EVI5: variants seen among roughly 807,000 people sequenced by gnomAD.
The protein encoded by EVI5 is ecotropic viral integration site 5 protein homolog.
Under a neutral mutation model 112.0 loss-of-function variants are expected in EVI5, and 73 were observed. That is an observed-to-expected ratio of 0.65 (90% CI 0.54 to 0.79). The LOEUF (loss-of-function observed/expected upper bound fraction) is 0.79. Ranked by LOEUF, EVI5 falls within the 30% of genes least tolerant of loss-of-function variation. The pLI is 0.00. For missense variants in EVI5, 900 were observed against 968.8 expected (o/e 0.93, Z 0.94); for synonymous variants, 305 against 319.9 (o/e 0.95, Z 0.50).
At chr1:92,626,067 T>A (rs926565421) in intron 14 of EVI5, 133 bp from the exon 15 acceptor site, 1 of 584,044 alleles carries the variant, frequency 1.7e-6, no homozygotes, top group African/African-American at 1.9e-5. Context: ...ATTCACAAAC[T>A]ATGAAACTCA....
At chr1:92,669,423 C>T (rs1665465495) in intron 10 of EVI5, among the ~76,000 whole-genome samples, 1 of 151,826 alleles carries the variant, frequency 6.6e-6, no homozygotes, top group Admixed American at 6.6e-5. Context: ...TGGCGCATGC[C>T]TGTAATCCCA....
At chr1:92,577,126 C>A (rs1478561709) in intron 18 of EVI5, among the ~76,000 whole-genome samples, 1 of 152,158 alleles carries the variant, frequency 6.6e-6, no homozygotes, top group Admixed American at 6.5e-5. Context: ...AAGTCCAAAT[C>A]AGCCTCTATA....
intron 5 of EVI5, among the ~76,000 whole-genome samples, chr1:92,699,921 C>T (rs1047267737): frequency 1.3e-5 from 2 of 152,100 alleles, no homozygotes; most frequent in Admixed American, 6.5e-5. Context: ...AAGTTTCATT[C>T]CCTCTCCTCT....
At chr1:92,730,659 G>C (rs1012604316) in intron 2 of EVI5, among the ~76,000 whole-genome samples, 1 of 144,808 alleles carries the variant, frequency 6.9e-6, no homozygotes, top group Non-Finnish European at 1.5e-5. Context: ...TCCAGCCTTG[G>C]TGACAAAGCA....
intron 10 of EVI5, among the ~76,000 whole-genome samples, chr1:92,676,091 T>C (rs1666707337): frequency 6.8e-6 from 1 of 147,898 alleles, no homozygotes; most frequent in South Asian, 2.1e-4. Flanking sequence ...AATGTGGAAG[T>C]ATCTACTTCC....
intron 11 of EVI5, among the ~76,000 whole-genome samples, chr1:92,664,538 A>G (rs1054326605): frequency 1.3e-5 from 2 of 151,410 alleles, no homozygotes; most frequent in Non-Finnish European, 2.9e-5. Context: ...CTAGATATTT[A>G]GTGGGAAAAA....
intron 2 of EVI5, among the ~76,000 whole-genome samples, chr1:92,727,515 T>C (rs1675756913): frequency 6.6e-6 from 1 of 152,180 alleles, no homozygotes. Context: ...TTATCCCAGA[T>C]AGATGCCGGC....
intron 1 of EVI5, among the ~76,000 whole-genome samples, chr1:92,753,053 G>C (rs183614735): frequency 7.6e-4 from 116 of 151,676 alleles, no homozygotes; most frequent in Non-Finnish European, 1.3e-3. Flanking sequence ...GGTGGATAAG[G>C]ACTGCCTTTC....
intron 2 of EVI5, among the ~76,000 whole-genome samples, chr1:92,712,793 G>C (rs1673040813): frequency 6.6e-6 from 1 of 151,940 alleles, no homozygotes; most frequent in Non-Finnish European, 1.5e-5. Flanking sequence ...GAAAACTGAG[G>C]TAATGCTATG....
At chr1:92,641,432 A>G (rs767543899) in intron 13 of EVI5, among the ~76,000 whole-genome samples, 27 of 152,314 alleles carry the variant, frequency 1.8e-4, no homozygotes, top group Middle Eastern at 3.4e-3. Flanking sequence ...TAAACATAGG[A>G]AGTGGAAGTT....
chr1:92,569,362 C>T lies in EVI5; in HGVS notation c.2071-5625G>A, dbSNP rs144125462. Among the ~76,000 whole-genome samples the T allele has an allele frequency of 2.4e-3, 371 of 152,200 alleles. 5 individuals carry two copies. The highest frequency in any genetic ancestry group is 0.016 in the East Asian group (83 of 5,176). On this transcript the variant is annotated intron_variant, in intron 18 of 19. Coordinates refer to ENST00000684568, the MANE Select transcript of EVI5 (RefSeq NM_001350197.2). ...TCTTTCTTGGATTTGTTACAAAAGT[C>T]TATGTATTTACTTTAATATTTATTT...
At chr1:92,561,874 G>C (rs1668688094) in intron 19 of EVI5, among the ~76,000 whole-genome samples, 1 of 152,120 alleles carries the variant, frequency 6.6e-6, no homozygotes, top group African/African-American at 2.4e-5. Flanking sequence ...CTGACCTCAA[G>C]TGATCTGCCT....
At chr1:92,583,653 A>G (rs1672321132) in intron 18 of EVI5, among the ~76,000 whole-genome samples, 1 of 151,856 alleles carries the variant, frequency 6.6e-6, no homozygotes, top group Non-Finnish European at 1.5e-5. Flanking sequence ...TTAAATTTGC[A>G]ATTATTTTCT....
intron 2 of EVI5, among the ~76,000 whole-genome samples, chr1:92,710,069 A>G (rs950086108): frequency 3.2e-5 from 3 of 92,690 alleles, no homozygotes; most frequent in African/African-American, 1.3e-4. Context: ...ACTGCCTTAC[A>G]TGGATTTATT....
intron 18 of EVI5, among the ~76,000 whole-genome samples, chr1:92,590,494 C>G (rs1339503610): frequency 6.6e-6 from 1 of 151,994 alleles, no homozygotes; most frequent in South Asian, 2.1e-4. Flanking sequence ...CCGATTCGGT[C>G]AAGTGGAAGA....
At chr1:92,525,233 T>C (rs1251196080) in intron 19 of EVI5, among the ~76,000 whole-genome samples, 3 of 150,656 alleles carry the variant, frequency 2.0e-5, no homozygotes, top group Admixed American at 1.3e-4. Context: ...TAATAAGATA[T>C]GAGTCAGTTC....
intron 17 of EVI5, among the ~76,000 whole-genome samples, chr1:92,606,712 T>G (rs34812295): frequency 6.6e-6 from 1 of 152,052 alleles, no homozygotes; most frequent in South Asian, 2.1e-4. Flanking sequence ...CAGCTTTACA[T>G]GTGCCATCAA....
chr1:92,735,717 TTATA>T (rs1191899632), intron 2 of EVI5, among the ~76,000 whole-genome samples: 1 of 141,698 alleles, frequency 7.1e-6, no homozygotes, highest in African/African-American at 2.6e-5. Context: ...CAATATTATA[TTATA>T]TATAATATAA....
At chr1:92,647,775 T>G (rs552574438) in intron 13 of EVI5, 2 of 171,794 alleles carry the variant, frequency 1.2e-5, no homozygotes, top group South Asian at 3.0e-4. Context: ...AATTTCTCCC[T>G]GTCGCCCAGG....
Sources: allele counts gnomAD v4.1 joint callset (sites outside exome capture counted in the v4.1 genomes callset), GRCh38; gene constraint gnomAD v4.1.1; transcripts MANE v1.5; gene names NCBI Gene and HGNC (gene_info 2026-07-23, HGNC 2026-07-21).